FBXL7: variants seen among roughly 807,000 people sequenced by gnomAD.
The protein encoded by FBXL7 is F-box/LRR-repeat protein 7.
A neutral mutation model predicts 38.3 loss-of-function variants in FBXL7; 12 were observed. The ratio of observed to expected loss-of-function variants is 0.31; its 90% CI spans 0.20 to 0.51. FBXL7 has a LOEUF of 0.51. Among genes scored for constraint, FBXL7 ranks in the 20% least tolerant of loss-of-function variants. The pLI, the probability that FBXL7 is intolerant of heterozygous loss-of-function variation, is 0.98. For synonymous variants in FBXL7, 297 were observed against 300.9 expected, an observed-to-expected ratio of 0.99 and a Z score of 0.13; for missense variants, 567 against 676.4, an observed-to-expected ratio of 0.84 and a Z score of 1.79.
intron 2 of FBXL7, among the ~76,000 whole-genome samples, chr5:15,867,655 A>G (rs1160717061): frequency 6.6e-6 from 1 of 152,218 alleles, no homozygotes; most frequent in African/African-American, 2.4e-5. Flanking sequence ...ACTGAACTTA[A>G]TAGAGGGAGA....
At chr5:15,573,977 C>T (rs1289837143) in intron 1 of FBXL7, among the ~76,000 whole-genome samples, 1 of 152,150 alleles carries the variant, frequency 6.6e-6, no homozygotes, top group Non-Finnish European at 1.5e-5. Context: ...TTCTTACATT[C>T]AGTATATTGC....
intron 2 of FBXL7, among the ~76,000 whole-genome samples, chr5:15,733,874 C>T (rs13165921): frequency 2.0e-5 from 3 of 152,130 alleles, no homozygotes; most frequent in African/African-American, 7.2e-5. Flanking sequence ...GTTGGGAGGC[C>T]GAGGCAGGCG....
Position 15,746,378 on chromosome 5 carries a change from G to A in FBXL7, c.127+130306G>A, listed in dbSNP as rs569764471. On this transcript the variant is annotated intron_variant, in intron 2 of 3. Transcript: ENST00000504595. ...TGCTGGCTATATATAGATGATGTTT[G>A]ATGACAGAATACCATAGACTGGGTG... is the stretch of plus-strand genomic sequence containing the variant. Among the ~76,000 whole-genome samples, 333 of 152,286 alleles carry A rather than the reference G, an allele frequency of 2.2e-3. 1 individual carries two copies. The highest frequency in any genetic ancestry group is 4.0e-3 in the Non-Finnish European group (271 of 68,018).
intron 1 of FBXL7, among the ~76,000 whole-genome samples, chr5:15,502,541 C>G (rs919468885): frequency 2.0e-5 from 3 of 152,174 alleles, no homozygotes; most frequent in Non-Finnish European, 4.4e-5. Context: ...TCAGCTGATT[C>G]AAGAGGACCA....
At chr5:15,863,895 A>G (rs941338074) in intron 2 of FBXL7, among the ~76,000 whole-genome samples, 3 of 152,206 alleles carry the variant, frequency 2.0e-5, no homozygotes, top group Non-Finnish European at 4.4e-5. Context: ...CTAGATGCCT[A>G]ATCTTGAACT....
intron 2 of FBXL7, among the ~76,000 whole-genome samples, chr5:15,686,740 T>G (rs1743027809): frequency 6.6e-6 from 1 of 152,236 alleles, no homozygotes; most frequent in Admixed American, 6.5e-5. Flanking sequence ...TACTAGATTT[T>G]TAATAGCTTG....
At chr5:15,511,698 G>T (rs1736802167) in intron 1 of FBXL7, among the ~76,000 whole-genome samples, 1 of 152,182 alleles carries the variant, frequency 6.6e-6, no homozygotes, top group Non-Finnish European at 1.5e-5. Context: ...TCACAGGAAT[G>T]GTGGCAGGGG....
intron 2 of FBXL7, among the ~76,000 whole-genome samples, chr5:15,876,664 T>C (rs1740221707): frequency 6.6e-6 from 1 of 152,234 alleles, no homozygotes. Context: ...AGTAAGAAAC[T>C]ATTAACCTGT....
At chr5:15,598,266 T>A (rs1344413242) in intron 1 of FBXL7, among the ~76,000 whole-genome samples, 1 of 152,182 alleles carries the variant, frequency 6.6e-6, no homozygotes, top group Non-Finnish European at 1.5e-5. Flanking sequence ...TGCTTCTTAT[T>A]TCTACTTGGT....
chr5:15,873,044 C>A (rs771689029), intron 2 of FBXL7, among the ~76,000 whole-genome samples: 24 of 152,142 alleles, frequency 1.6e-4, no homozygotes, highest in Non-Finnish European at 2.8e-4. Context: ...AAACACTCCT[C>A]GGCAAATGCA....
chr5:15,697,896 T>C (rs1038388543), intron 2 of FBXL7, among the ~76,000 whole-genome samples: 3 of 152,190 alleles, frequency 2.0e-5, no homozygotes, highest in African/African-American at 7.2e-5. Flanking sequence ...AATGTTATTT[T>C]CCAAAATTGG....
At chr5:15,842,690 G>T (rs772557383) in intron 2 of FBXL7, among the ~76,000 whole-genome samples, 1 of 152,156 alleles carries the variant, frequency 6.6e-6, no homozygotes, top group Non-Finnish European at 1.5e-5. Context: ...CCTCCATATT[G>T]TTCTCATTGT....
At chr5:15,770,796 T>A (rs1736709834) in intron 2 of FBXL7, among the ~76,000 whole-genome samples, 1 of 152,052 alleles carries the variant, frequency 6.6e-6, no homozygotes, top group Admixed American at 6.6e-5. Flanking sequence ...AATGAGTGGG[T>A]CTGGTGTTGG....
chr5:15,576,731 A>G (rs1258872367), intron 1 of FBXL7, among the ~76,000 whole-genome samples: 2 of 152,088 alleles, frequency 1.3e-5, no homozygotes, highest in Non-Finnish European at 2.9e-5. Context: ...ATGAAACCAT[A>G]AAGTTTAGAT....
At chr5:15,739,611 A>T (rs1187401272) in intron 2 of FBXL7, among the ~76,000 whole-genome samples, 1 of 152,132 alleles carries the variant, frequency 6.6e-6, no homozygotes, top group Non-Finnish European at 1.5e-5. Context: ...AGATTTGCCT[A>T]TTCTGGACAT....
chr5:15,540,371 A>C (rs912867995), intron 1 of FBXL7, among the ~76,000 whole-genome samples: 1 of 152,158 alleles, frequency 6.6e-6, no homozygotes, highest in African/African-American at 2.4e-5. Context: ...GACAAAGTCC[A>C]CAGGTGTCTT....
chr5:15,691,654 G>C (rs1743187638), intron 2 of FBXL7, among the ~76,000 whole-genome samples: 2 of 152,144 alleles, frequency 1.3e-5, no homozygotes, highest in Non-Finnish European at 2.9e-5. Context: ...TAAATTCCAA[G>C]CACCGTCACA....
chr5:15,513,763 T>G (rs1449866496), intron 1 of FBXL7, among the ~76,000 whole-genome samples: 3 of 152,234 alleles, frequency 2.0e-5, no homozygotes, highest in African/African-American at 7.2e-5. Flanking sequence ...TCAAAAAGAT[T>G]TATGTAGCTT....
intron 2 of FBXL7, among the ~76,000 whole-genome samples, chr5:15,656,927 A>G (rs76485290): frequency 0.064 from 9,726 of 152,190 alleles, 433 homozygotes; most frequent in Middle Eastern, 0.1. Context: ...TGCAGTTAGG[A>G]AAGTTGGCTA....
Sources: allele counts gnomAD v4.1 joint callset (sites outside exome capture counted in the v4.1 genomes callset), GRCh38; gene constraint gnomAD v4.1.1; transcripts MANE v1.5; gene names NCBI Gene and HGNC (gene_info 2026-07-23, HGNC 2026-07-21).